Variants in PTPRS observed in about 807,000 individuals in gnomAD.
The protein encoded by PTPRS is receptor-type tyrosine-protein phosphatase S.
A neutral mutation model predicts 215.3 loss-of-function variants in PTPRS; 63 were observed. The observed-to-expected ratio is 0.29, with a 90% confidence interval of 0.24 to 0.36. PTPRS has a LOEUF of 0.36. Ranked by LOEUF, PTPRS falls within the 10% of genes least tolerant of loss-of-function variation. The pLI is 1.00. For synonymous variants in PTPRS, 1,404 were observed against 1,191.4 expected, an observed-to-expected ratio of 1.18 and a Z score of -3.68; for missense variants, 2,258 against 2,825.8, an observed-to-expected ratio of 0.80 and a Z score of 4.56.
chr19:5,229,909 C>G (rs1056859962), intron 14 of PTPRS, among the ~76,000 whole-genome samples: 3 of 151,894 alleles, frequency 2.0e-5, no homozygotes, highest in South Asian at 4.2e-4. Context: ...CAGGCTGCCC[C>G]CCCCCGAGTC....
At chr19:5,239,176 A>T in intron 12 of PTPRS, 113 bp from the exon 13 acceptor site, 1 of 718,126 alleles carries the variant, frequency 1.4e-6, no homozygotes. Flanking sequence ...AGAGAGAGAG[A>T]GAGAGAGAGA....
intron 20 of PTPRS, 37 bp downstream of exon 20, chr19:5,220,963 G>A: frequency 6.4e-7 from 1 of 1,573,466 alleles, no homozygotes; most frequent in African/African-American, 1.3e-5. Flanking sequence ...AGGCTGATGG[G>A]GGTGACAAGG....
intron 4 of PTPRS, among the ~76,000 whole-genome samples, chr19:5,270,519 A>G (rs1851522807): frequency 6.6e-6 from 1 of 152,158 alleles, no homozygotes; most frequent in African/African-American, 2.4e-5. Flanking sequence ...TATGTTGCCC[A>G]GACTAGTCTC....
At chr19:5,276,379 C>T (rs1226834042) in intron 2 of PTPRS, among the ~76,000 whole-genome samples, 3 of 151,764 alleles carry the variant, frequency 2.0e-5, no homozygotes, top group East Asian at 2.0e-4. Flanking sequence ...CGCACCACCA[C>T]GCCTGGCTAA....
intron 2 of PTPRS, among the ~76,000 whole-genome samples, chr19:5,278,393 A>G (rs2047574909): frequency 6.6e-6 from 1 of 152,008 alleles, no homozygotes; most frequent in African/African-American, 2.4e-5. Flanking sequence ...TAATTTTTGT[A>G]CTGAGTTTTG....
In PTPRS at chr19:5,257,357, G is replaced by A. The variant is rs1197753164; in HGVS notation, c.706+660C>T. On this transcript the variant is annotated intron_variant, in intron 8 of 37. Transcript: ENST00000262963. This position sits in a 1 kb window ranked among gnomAD's most constrained non-coding sequence, Gnocchi z 4.4. ...TGGGTGCCGTGCCTGCCCCAGCTCG[G>A]TGCAACTACCGAGCCCCCCGGGTGC... 7 of 451,330 alleles carry A rather than the reference G, an allele frequency of 1.6e-5. No homozygotes were observed. Among genetic ancestry groups the A allele is most frequent in the African/African-American group, 4.0e-5 (2 of 49,860 alleles). 28.0% of individuals were successfully genotyped at this position (451,330 alleles called of 1,614,324 possible).
chr19:5,289,560 G>C (rs1281369321), intron 1 of PTPRS, among the ~76,000 whole-genome samples: 1 of 152,062 alleles, frequency 6.6e-6, no homozygotes. Context: ...GACCTGCCCT[G>C]TCCCCTCCGT....
chr19:5,331,493 G>A (rs532532541), intron 1 of PTPRS, among the ~76,000 whole-genome samples: 200 of 152,210 alleles, frequency 1.3e-3, no homozygotes, highest in African/African-American at 4.6e-3. Flanking sequence ...ATCTGGGATG[G>A]GGTCATCCTG....
At chr19:5,284,374 TTAAA>T (rs1412924848) in intron 2 of PTPRS, among the ~76,000 whole-genome samples, 3 of 129,402 alleles carry the variant, frequency 2.3e-5, no homozygotes, top group Non-Finnish European at 4.9e-5. Flanking sequence ...AATTAATTAA[TTAAA>T]ATAAATAAAT....
At chr19:5,289,344 C>T (rs1946256311) in intron 1 of PTPRS, among the ~76,000 whole-genome samples, 1 of 152,212 alleles carries the variant, frequency 6.6e-6, no homozygotes, top group Non-Finnish European at 1.5e-5. Flanking sequence ...GCCCCATTGT[C>T]ACCGACCTGG....
intron 23 of PTPRS, chr19:5,219,102 G>T: frequency 1.4e-6 from 1 of 707,844 alleles, no homozygotes; most frequent in Non-Finnish European, 2.3e-6. Flanking sequence ...GTTAAGAGGA[G>T]AAGCCAAGCC....
intron 1 of PTPRS, among the ~76,000 whole-genome samples, chr19:5,325,673 C>T (rs1418437349): frequency 6.6e-6 from 1 of 152,262 alleles, no homozygotes; most frequent in Non-Finnish European, 1.5e-5. Context: ...TCCCCAAGCA[C>T]TGGGGCTGAG....
intron 17 of PTPRS, among the ~76,000 whole-genome samples, chr19:5,225,462 G>A (rs971755794): frequency 6.6e-6 from 1 of 152,032 alleles, no homozygotes; most frequent in African/African-American, 2.4e-5. Flanking sequence ...AGAGGGCAAA[G>A]GGGTCAGAGG....
chr19:5,231,988 G>C (rs1273875112), intron 13 of PTPRS, among the ~76,000 whole-genome samples: 1 of 152,160 alleles, frequency 6.6e-6, no homozygotes, highest in Non-Finnish European at 1.5e-5. Context: ...GCTTGGCATC[G>C]TGCCAAGGGG....
chr19:5,261,567 C>T (rs150398929), intron 6 of PTPRS, among the ~76,000 whole-genome samples: 106 of 152,346 alleles, frequency 7.0e-4, no homozygotes, highest in African/African-American at 2.5e-3. Context: ...CTGCTGATGG[C>T]CGATAACTTG....
rs193111939 is a variant in PTPRS, at chr19:5,261,509, T to C, written c.578-687A>G. On this transcript the variant is annotated intron_variant, in intron 6 of 37. Transcript: ENST00000262963. ...AGGCGGCTCGGGGCTGGAACGTTAC[T>C]CCCTCTGCTCATGATCCAGGGAGAA... Among the ~76,000 whole-genome samples the C allele has an allele frequency of 3.6e-3, 555 of 152,272 alleles. 11 individuals carry two copies. Among genetic ancestry groups the C allele is most frequent in the South Asian group, 0.018 (89 of 4,826 alleles).
Position 5,215,184 on chromosome 19 carries a change from G to T in PTPRS, c.4318+105C>A, listed in dbSNP as rs2041308278. 1.6e-5 allele frequency: 23 copies of T among 1,478,850 alleles called. No homozygotes were observed. The South Asian group carries it at 2.5e-4, about 16-fold the overall frequency. 91.6% of individuals were successfully genotyped at this position (1,478,850 alleles called of 1,614,324 possible). A position where few individuals can be genotyped will look rare whatever the true frequency, so the allele number is the denominator to read the frequency against. On this transcript the variant is annotated intron_variant, in intron 28 of 37. Transcript: ENST00000262963. ...TGGCCTCCAGTTGGAGCTGGACCAG[G>T]TCTATGACCAGAATCAGGCCTCAGT... is the stretch of plus-strand genomic sequence containing the variant.
chr19:5,254,635 T>C (rs1204500248), intron 9 of PTPRS, among the ~76,000 whole-genome samples: 1 of 151,968 alleles, frequency 6.6e-6, no homozygotes, highest in Non-Finnish European at 1.5e-5. Context: ...CCCCTGGGCT[T>C]TTTCCAGAAT....
chr19:5,262,853 G>A, intron 6 of PTPRS, 111 bp downstream of exon 6: 1 of 1,203,376 alleles, frequency 8.3e-7, no homozygotes, highest in Non-Finnish European at 1.2e-6. Context: ...AGGCAGAGTG[G>A]GTCACAGTTA....
Sources: allele counts gnomAD v4.1 joint callset (sites outside exome capture counted in the v4.1 genomes callset), GRCh38; gene constraint gnomAD v4.1.1; non-coding constraint Gnocchi (gnomAD v3.1); transcripts MANE v1.5; gene names NCBI Gene and HGNC (gene_info 2026-07-23, HGNC 2026-07-21).